Variants in BDP1 observed in about 807,000 individuals in gnomAD.
BDP1 encodes transcription factor TFIIIB component B'' homolog.
Under a neutral mutation model 266.6 loss-of-function variants are expected in BDP1, and 169 were observed. The ratio of observed to expected loss-of-function variants is 0.63; its 90% confidence interval spans 0.56 to 0.72. BDP1 has a LOEUF of 0.72. Among genes scored for constraint, BDP1 ranks in the 30% least tolerant of loss-of-function variants. BDP1 has a pLI of 0.00. For missense variants in BDP1, 3,015 were observed against 3,053.8 expected (o/e 0.99, Z 0.30); for synonymous variants, 1,090 against 1,022.4 (o/e 1.07, Z -1.26).
intron 25 of BDP1, among the ~76,000 whole-genome samples, chr5:71,529,738 G>A (rs754276975): frequency 1.3e-5 from 2 of 152,166 alleles, no homozygotes; most frequent in Non-Finnish European, 1.5e-5. Context: ...ATAAAGTGTT[G>A]ATATGTGTCA....
In BDP1 at chr5:71,489,515, C is replaced by T; in HGVS notation, c.1325C>T (p.Ser442Phe). The change falls in exon 10 of 39, where the codon TCT (serine) becomes TTT (phenylalanine). Residue 442 changes from serine (S) to phenylalanine (F), a missense_variant. Ser to Phe is a radical substitution (Grantham distance 155). Around this residue, in one of 3 missense-constraint regions of BDP1, gnomAD observed 2,383 missense variants for 2,404.9 expected, o/e 0.99. Transcript: ENST00000358731. ...GATGCTCAGACAGTTGAAGAAGAGT[C>T]TCTGACCTTATCAAGGGAGGATGCA... Reference protein sequence around the residue: ...QKDAQTVEEESLTLSREDAEQ... With the variant: ...QKDAQTVEEEFLTLSREDAEQ... The T allele has an allele frequency of 1.2e-6, 2 of 1,614,084 alleles. No individual in the cohort carries two copies. Among genetic ancestry groups the T allele is most frequent in the Non-Finnish European group, 8.5e-7 (1 of 1,180,008 alleles).
chr5:71,574,730 G>A, the BDP1 span, among the ~76,000 whole-genome samples: 1,879 of 152,254 alleles, frequency 0.012, 47 homozygotes, highest in African/African-American at 0.043. Context: ...TTTTTGAACT[G>A]GGAGAATATA....
At chr5:71,476,698 C>T (rs112727408) in intron 7 of BDP1, among the ~76,000 whole-genome samples, 1,801 of 151,802 alleles carry the variant, frequency 0.012, 40 homozygotes, top group African/African-American at 0.04. Flanking sequence ...CGTGCCACCA[C>T]GCCCAGCTAA....
chr5:71,534,861 G>A (rs1034744575), intron 26 of BDP1, among the ~76,000 whole-genome samples: 4 of 152,064 alleles, frequency 2.6e-5, no homozygotes, highest in East Asian at 1.9e-4. Flanking sequence ...GGCTGGTCTC[G>A]AACTCCTGAT....
intron 13 of BDP1, among the ~76,000 whole-genome samples, chr5:71,499,656 T>C (rs76847487): frequency 2.0e-5 from 3 of 152,290 alleles, no homozygotes; most frequent in African/African-American, 7.2e-5. Flanking sequence ...CCTTTTCCTC[T>C]GAAACTATTA....
chr5:71,511,536 A>G (rs1372574115), intron 17 of BDP1, among the ~76,000 whole-genome samples: 1 of 152,146 alleles, frequency 6.6e-6, no homozygotes, highest in African/African-American at 2.4e-5. Context: ...AGTCCCAGCT[A>G]CTTGGGAGGC....
intron 32 of BDP1, chr5:71,545,487 A>C (rs1742216323): frequency 2.4e-6 from 1 of 424,610 alleles, no homozygotes; most frequent in African/African-American, 2.1e-5. Context: ...ATGTGTCACC[A>C]CAGCCAGCTA....
the BDP1 span, among the ~76,000 whole-genome samples, chr5:71,578,072 C>T: frequency 6.6e-6 from 1 of 152,140 alleles, no homozygotes; most frequent in African/African-American, 2.4e-5. Flanking sequence ...GGCCATCGCT[C>T]CCTGGCCCCG....
chr5:71,551,094 GTTGTTTAT>G lies in BDP1; in HGVS notation c.6995+1491_6995+1498del, dbSNP rs1340316002. ...AGATTTATTTTATTATTATTTTTTA[GTTGTTTAT>G]TTATTTATTTATTTATTTATTTATT... is the stretch of plus-strand genomic sequence containing the variant. On this transcript the variant is annotated intron_variant, in intron 34 of 38. Coordinates refer to ENST00000358731, the MANE Select transcript of BDP1 (RefSeq NM_018429.3). 1.0e-3 allele frequency among the ~76,000 whole-genome samples: 102 copies of G among 100,274 alleles called. No homozygotes were observed. The Middle Eastern group carries it at 0.014, about 14-fold the overall frequency. The allele number at this position is 100,274 out of a possible 152,430, so 65.8% of individuals were successfully genotyped here.
At chr5:71,536,598 G>A (rs1033353167) in intron 26 of BDP1, among the ~76,000 whole-genome samples, 4 of 152,136 alleles carry the variant, frequency 2.6e-5, no homozygotes, top group African/African-American at 9.7e-5. Flanking sequence ...AGTAATTTGG[G>A]AGGTGGGAGG....
chr5:71,553,679 T>C (rs1743013205), intron 35 of BDP1, among the ~76,000 whole-genome samples: 1 of 152,172 alleles, frequency 6.6e-6, no homozygotes, highest in South Asian at 2.1e-4. Flanking sequence ...TCCTAATATG[T>C]AAAATGATAA....
chr5:71,489,738 T>C, intron 10 of BDP1, 56 bp downstream of exon 10: 2 of 1,445,724 alleles, frequency 1.4e-6, no homozygotes, highest in Non-Finnish European at 1.9e-6. Context: ...ACATGTACAG[T>C]AATATGGTAT....
Position 71,513,361 on chromosome 5 carries a change from T to C in BDP1, c.4424T>C (p.Val1475Ala). Residue 1475 changes from valine to alanine, a missense_variant, in exon 19 of 39, where the codon GTG becomes GCG. By Grantham distance (64) the Val-to-Ala change is moderately conservative. Around this residue, in one of 3 missense-constraint regions of BDP1, gnomAD observed 2,383 missense variants for 2,404.9 expected, o/e 0.99. Transcript: ENST00000358731. ...GAAACCAAGAAAATGGAGACTATTG[T>C]GATGCAAGAAAATAATGAACAAACT... ...KSETKKMETI[V>A]MQENNEQTDT... The C allele has an allele frequency of 6.3e-7, 1 of 1,598,096 alleles. No homozygotes were observed. Among genetic ancestry groups the C allele is most frequent in the Non-Finnish European group, 8.5e-7 (1 of 1,173,172 alleles).
rs469039 is a variant in BDP1 at position 71,553,194 on chromosome 5, G to A, written c.7074G>A (p.Pro2358=). ...SISGRDNSKK[P]PDNLDLVSRK... ...CTGGAAGAGATAATTCTAAAAAGCC[G>A]CCTGATAATTTGGATCTTGTATCTA... Residue 2358 remains proline (P), a synonymous_variant, in exon 35 of 39, where the codon CCG becomes CCA. Coordinates refer to ENST00000358731, the MANE Select transcript of BDP1 (RefSeq NM_018429.3). The A allele has an allele frequency of 2.5e-6, 4 of 1,612,928 alleles. No individual in the cohort carries two copies. Among genetic ancestry groups the A allele is most frequent in the South Asian group, 1.1e-5 (1 of 91,030 alleles).
In BDP1 at chr5:71,489,586, A is replaced by G. The variant is rs1287764519; in HGVS notation, c.1396A>G (p.Arg466Gly). 1.2e-6 allele frequency: 2 copies of G among 1,614,142 alleles called. No individual in the cohort carries two copies. The highest frequency in any genetic ancestry group is 8.5e-7 in the Non-Finnish European group (1 of 1,179,988). The change falls in exon 10 of 39, where the codon AGG becomes GGG. Residue 466 changes from arginine to glycine, a missense_variant. Physicochemically the swap from Arg to Gly is moderately radical, Grantham distance 125. Around this residue, in one of 3 missense-constraint regions of BDP1, gnomAD observed 2,383 missense variants for 2,404.9 expected, o/e 0.99. Coordinates refer to ENST00000358731, the MANE Select transcript of BDP1 (RefSeq NM_018429.3). Reference protein sequence around the residue: ...EVDLNQKKRRRKKQDGANELG... With the variant: ...EVDLNQKKRRGKKQDGANELG... ...AGACCTAAATCAAAAGAAAAGAAGG[A>G]GGAAGAAGCAAGATGGAGCTAATGA... is the stretch of plus-strand genomic sequence containing the variant.
intron 25 of BDP1, among the ~76,000 whole-genome samples, chr5:71,527,423 A>T (rs560093746): frequency 1.3e-5 from 2 of 151,884 alleles, no homozygotes; most frequent in South Asian, 4.2e-4. Context: ...TTAAACAGTA[A>T]CTCTCCATTC....
At position 71,559,898 on chromosome 5, in the gene BDP1, C is replaced by A; in HGVS notation, c.7241-84C>A. The A allele has an allele frequency of 2.2e-6, 3 of 1,392,244 alleles. No homozygotes were observed. The East Asian group carries it at 6.8e-5, about 32-fold the overall frequency. The allele number at this position is 1,392,244 out of a possible 1,614,324, so 86.2% of individuals were successfully genotyped here. ...TTAGGGTAGGTTTATTATAGAATAC[C>A]ATGGGTTTCTTTTCAAATGCTGGGA... is the stretch of plus-strand genomic sequence containing the variant. On this transcript the variant is annotated intron_variant, in intron 36 of 38. Coordinates refer to ENST00000358731, the MANE Select transcript of BDP1 (RefSeq NM_018429.3).
At chr5:71,513,703 A>G (rs1472353742) in intron 19 of BDP1, among the ~76,000 whole-genome samples, 8 of 151,996 alleles carry the variant, frequency 5.3e-5, no homozygotes, top group African/African-American at 1.4e-4. Context: ...AAAAATGACA[A>G]TAATAGTTTT....
chr5:71,525,253 C>T (rs1765733311), intron 25 of BDP1, among the ~76,000 whole-genome samples: 1 of 150,242 alleles, frequency 6.7e-6, no homozygotes, highest in Non-Finnish European at 1.5e-5. Context: ...GGTGGCTGGC[C>T]AGGCGGGGGG....
Sources: allele counts gnomAD v4.1 joint callset (sites outside exome capture counted in the v4.1 genomes callset), GRCh38; gene constraint gnomAD v4.1.1; regional missense constraint gnomAD v4.1.1; transcripts MANE v1.5; gene names NCBI Gene and HGNC (gene_info 2026-07-23, HGNC 2026-07-21).